The following ZNF710 variants were observed in gnomAD, a reference collection of about 807,000 sequenced individuals.
ZNF710 encodes zinc finger protein 710.
In ZNF710, 13 loss-of-function variants were observed where a neutral mutation model predicts 50.6. The observed-to-expected ratio is 0.26, with a 90% CI of 0.17 to 0.41. The LOEUF (loss-of-function observed/expected upper bound fraction) is 0.41. Among genes scored for constraint, ZNF710 ranks in the 10% least tolerant of loss-of-function variants. ZNF710 has a pLI of 1.00. For missense variants in ZNF710, 721 were observed against 936.6 expected (o/e 0.77, Z 3.01); for synonymous variants, 383 against 397.0 (o/e 0.96, Z 0.42).
intron 1 of ZNF710, among the ~76,000 whole-genome samples, chr15:90,057,955 A>G (rs1899876010): frequency 6.6e-6 from 1 of 152,062 alleles, no homozygotes; most frequent in African/African-American, 2.4e-5. Flanking sequence ...TTCACCCCTC[A>G]TATCCTTGGG....
intron 1 of ZNF710, among the ~76,000 whole-genome samples, chr15:90,060,574 C>A (rs1004664719): frequency 3.3e-5 from 5 of 152,004 alleles, no homozygotes; most frequent in Non-Finnish European, 5.9e-5. Context: ...AAAAGTCAGG[C>A]CGGGCGCAGT....
chr15:90,074,413 C>G lies in ZNF710; in HGVS notation c.1825+123C>G, dbSNP rs905649968. The G allele has an allele frequency of 2.6e-6, 4 of 1,553,336 alleles. No homozygotes were observed. The African/African-American group carries it at 5.4e-5, about 21-fold the overall frequency. On this transcript the variant is annotated intron_variant, in intron 4 of 4. Coordinates refer to ENST00000268154, the MANE Select transcript of ZNF710 (RefSeq NM_198526.4). ...GGCTGAGACTTCGTTGGGGTGGGCT[C>G]AGGTCTGGAAGGGGGGTACCCTGGA...
At chr15:90,054,814 G>C (rs974607465) in intron 1 of ZNF710, among the ~76,000 whole-genome samples, 4 of 152,172 alleles carry the variant, frequency 2.6e-5, no homozygotes, top group African/African-American at 9.7e-5. Context: ...TCTGGACTTG[G>C]AGGAAAGATA....
At chr15:90,053,333 G>A (rs1231663984) in intron 1 of ZNF710, among the ~76,000 whole-genome samples, 1 of 150,620 alleles carries the variant, frequency 6.6e-6, no homozygotes, top group Non-Finnish European at 1.5e-5. Context: ...GGTTTCCCTG[G>A]ACAGCAGTGA....
chr15:90,046,615 A>G (rs1397846300), intron 1 of ZNF710, among the ~76,000 whole-genome samples: 2 of 152,172 alleles, frequency 1.3e-5, no homozygotes, highest in African/African-American at 4.8e-5. Context: ...AGACCCAGGT[A>G]GAGGAAGAGT....
chr15:90,058,254 GC>G (rs1899888124), intron 1 of ZNF710, among the ~76,000 whole-genome samples: 1 of 152,200 alleles, frequency 6.6e-6, no homozygotes, highest in Non-Finnish European at 1.5e-5. Flanking sequence ...AAGGAAGAAG[GC>G]ACTTGGGGTG....
chr15:90,022,366 A>C (rs1185402003), intron 1 of ZNF710, among the ~76,000 whole-genome samples: 1 of 152,074 alleles, frequency 6.6e-6, no homozygotes, highest in Non-Finnish European at 1.5e-5. Context: ...ACAGAGTGAG[A>C]CTCTGTCTCA....
intron 1 of ZNF710, among the ~76,000 whole-genome samples, chr15:90,030,351 A>AAAAG (rs1898901903): frequency 6.6e-6 from 1 of 150,752 alleles, no homozygotes; most frequent in African/African-American, 2.4e-5. Context: ...AAAAAAAAAA[A>AAAAG]AAGAAAGAAT....
At chr15:90,031,707 T>C (rs564770546) in intron 1 of ZNF710, among the ~76,000 whole-genome samples, 6 of 152,290 alleles carry the variant, frequency 3.9e-5, no homozygotes, top group African/African-American at 1.4e-4. Context: ...AGTGGCCACG[T>C]CATCTCTCAC....
intron 1 of ZNF710, among the ~76,000 whole-genome samples, chr15:90,012,460 C>T (rs749651756): frequency 1.3e-5 from 2 of 151,876 alleles, no homozygotes; most frequent in South Asian, 2.1e-4. Flanking sequence ...TTAGTAGAGA[C>T]GGGGTTTCAC....
At position 90,059,350 on chromosome 15, in the gene ZNF710, G is replaced by C. The variant is rs1899930939; in HGVS notation, c.-28-7760G>C. Among the ~76,000 whole-genome samples the C allele has an allele frequency of 6.6e-6, 1 of 152,252 alleles. No individual in the cohort carries two copies. Among genetic ancestry groups the C allele is most frequent in the African/African-American group, 2.4e-5 (1 of 41,466 alleles). Reference sequence around the variant, plus strand: ...CATCCCGCCTACCAAAAGGCTGTGGGGGCTGCGGGGCCGGAGACCTGCATT... The same window carrying C: ...CATCCCGCCTACCAAAAGGCTGTGGCGGCTGCGGGGCCGGAGACCTGCATT... On this transcript the variant is annotated intron_variant, in intron 1 of 4. Coordinates refer to ENST00000268154, the MANE Select transcript of ZNF710 (RefSeq NM_198526.4). This position sits in a 1 kb window ranked among gnomAD's most constrained non-coding sequence, Gnocchi z 4.1.
Position 90,080,549 on chromosome 15 carries a change from G to C in ZNF710, c.*720G>C, listed in dbSNP as rs551342736. ...CGACCCTAGCTGGAGTGCCTCACCA[G>C]GGGGCCCCACTAGGAACAAAGCCAG... On this transcript the variant is annotated 3_prime_UTR_variant, in exon 5 of 5. Coordinates refer to ENST00000268154, the MANE Select transcript of ZNF710 (RefSeq NM_198526.4). The C allele has an allele frequency of 2.0e-5, 3 of 152,794 alleles. No homozygotes were observed. The highest frequency in any genetic ancestry group is 1.3e-4 in the Admixed American group (2 of 15,302). The allele number at this position is 152,794 out of a possible 1,614,324, so 9.5% of individuals were successfully genotyped here.
intron 1 of ZNF710, among the ~76,000 whole-genome samples, chr15:90,030,719 TA>T (rs879389817): frequency 5.7e-4 from 81 of 142,870 alleles, no homozygotes; most frequent in Admixed American, 7.0e-4. Flanking sequence ...CATTTCAAAT[TA>T]AAAAAAAAAA....
intron 1 of ZNF710, among the ~76,000 whole-genome samples, chr15:90,005,512 G>A (rs530291674): frequency 6.6e-5 from 10 of 152,190 alleles, no homozygotes; most frequent in East Asian, 3.9e-4. Context: ...GCAGTGGCGC[G>A]ATCTCAGCTC....
At chr15:90,018,898 TG>T (rs1345899118) in intron 1 of ZNF710, among the ~76,000 whole-genome samples, 11 of 152,204 alleles carry the variant, frequency 7.2e-5, no homozygotes, top group Non-Finnish European at 1.5e-4. Flanking sequence ...TTTGTTTGTT[TG>T]TTTGTTTTTT....
chr15:90,069,767 C>G (rs1425935793), intron 2 of ZNF710, among the ~76,000 whole-genome samples: 1 of 152,162 alleles, frequency 6.6e-6, no homozygotes, highest in African/African-American at 2.4e-5. Flanking sequence ...TTGAGCAGCA[C>G]TTTCTAATCT....
intron 4 of ZNF710, chr15:90,074,818 T>G: frequency 3.1e-6 from 1 of 323,100 alleles, no homozygotes. Flanking sequence ...AAGTACACCA[T>G]GGGAGGTCCT....
intron 1 of ZNF710, among the ~76,000 whole-genome samples, chr15:90,038,803 G>A (rs1296557502): frequency 6.6e-6 from 1 of 150,380 alleles, no homozygotes; most frequent in Non-Finnish European, 1.5e-5. Context: ...TTGTGTAATC[G>A]AATATGTTCA....
At chr15:90,012,830 T>C (rs1898349821) in intron 1 of ZNF710, among the ~76,000 whole-genome samples, 1 of 152,052 alleles carries the variant, frequency 6.6e-6, no homozygotes, top group African/African-American at 2.4e-5. Flanking sequence ...TGTGAATGAT[T>C]ATTTTTTTTT....
Sources: gnomAD v4.1 joint callset for allele counts (sites outside exome capture counted in the v4.1 genomes callset) on GRCh38, gnomAD v4.1.1 for gene constraint, Gnocchi (gnomAD v3.1) non-coding constraint, MANE v1.5 for transcripts, NCBI Gene and HGNC (gene_info 2026-07-23, HGNC 2026-07-21) for gene names.